The following ZC3H13 variants were observed in gnomAD, a reference collection of about 807,000 sequenced individuals.
The protein encoded by ZC3H13 is zinc finger CCCH-type containing 13.
A neutral mutation model predicts 204.1 loss-of-function variants in ZC3H13; 64 were observed. The observed-to-expected ratio is 0.31, with a 90% CI of 0.26 to 0.39. The LOEUF is 0.39. ZC3H13 is among the 10% of genes least tolerant of loss of function. The pLI is 1.00. For missense variants in ZC3H13, 1,833 were observed against 2,082.7 expected, an observed-to-expected ratio of 0.88 and a Z score of 2.33; for synonymous variants, 667 against 693.7, an observed-to-expected ratio of 0.96 and a Z score of 0.60.
At chr13:46,006,921 T>C (rs954187777) in intron 7 of ZC3H13, among the ~76,000 whole-genome samples, 2 of 151,600 alleles carry the variant, frequency 1.3e-5, no homozygotes, top group Non-Finnish European at 2.9e-5. Context: ...CCAACAACTA[T>C]ATTAGCCACA....
At chr13:46,016,574 G>C (rs1344605554) in intron 5 of ZC3H13, among the ~76,000 whole-genome samples, 1 of 152,122 alleles carries the variant, frequency 6.6e-6, no homozygotes, top group Non-Finnish European at 1.5e-5. Flanking sequence ...CCTTTGAGGG[G>C]TGAGGGTAGG....
chr13:45,972,578 A>C (rs778680342), intron 12 of ZC3H13, among the ~76,000 whole-genome samples: 3 of 152,174 alleles, frequency 2.0e-5, no homozygotes, highest in Non-Finnish European at 4.4e-5. Context: ...AAAGCTATTG[A>C]AATAAAAATA....
At chr13:46,049,994 T>C (rs369245113) in intron 1 of ZC3H13, among the ~76,000 whole-genome samples, 103 of 152,276 alleles carry the variant, frequency 6.8e-4, no homozygotes, top group Non-Finnish European at 1.3e-3. Context: ...CAAGTCTTTC[T>C]CAAACACGAG....
At chr13:46,033,965 G>C (rs960175195) in intron 4 of ZC3H13, among the ~76,000 whole-genome samples, 6 of 152,040 alleles carry the variant, frequency 3.9e-5, no homozygotes, top group Admixed American at 1.3e-4. Context: ...TTGGTAATAG[G>C]ACAAAGAGCC....
At chr13:46,013,158 G>C (rs1362161394) in intron 5 of ZC3H13, among the ~76,000 whole-genome samples, 1 of 152,216 alleles carries the variant, frequency 6.6e-6, no homozygotes, top group Non-Finnish European at 1.5e-5. Context: ...GCTCACGCCT[G>C]TAAGCTCAGC....
At chr13:45,976,800 A>G (rs1293810229) in intron 11 of ZC3H13, among the ~76,000 whole-genome samples, 2 of 152,198 alleles carry the variant, frequency 1.3e-5, no homozygotes, top group Non-Finnish European at 2.9e-5. Flanking sequence ...TACATACTAT[A>G]TATCTACTGG....
In ZC3H13 at chr13:46,014,938, T is replaced by G. The variant is rs1347537872; in HGVS notation, c.449-3384A>C. ...AATATGATCATACTTTATCGTAGCT[T>G]ACTTAAAAGAGTTTCCTTCTTAAAG... On this transcript the variant is annotated intron_variant, in intron 5 of 18. Coordinates refer to ENST00000679008, the MANE Select transcript of ZC3H13 (RefSeq NM_001330564.2). Among the ~76,000 whole-genome samples the G allele has an allele frequency of 2.6e-5, 4 of 152,330 alleles. No homozygotes were observed. In the East Asian group the frequency reaches 7.7e-4, roughly 29 times the overall value.
At position 45,975,612 on chromosome 13, in the gene ZC3H13, C is replaced by T. The variant is rs1210013974; in HGVS notation, c.2139G>A (p.Arg713=). 6.4e-7 allele frequency: 1 copy of T among 1,572,048 alleles called. No homozygotes were observed. Among genetic ancestry groups the T allele is most frequent in the Non-Finnish European group, 8.6e-7 (1 of 1,158,394 alleles). ...CTTTTTCTCTTTCTCTCTCCCGTTC[C>T]CTAGCACGCTCTCTTTCTAGTTCTC... ...KERELERERA[R]EREREREKER... The change falls in exon 12 of 19, where the codon AGG becomes AGA. Residue 713 remains arginine, a synonymous_variant. Transcript: ENST00000679008.
At chr13:45,984,000 C>G (rs989583626) in intron 10 of ZC3H13, among the ~76,000 whole-genome samples, 3 of 152,152 alleles carry the variant, frequency 2.0e-5, no homozygotes, top group Non-Finnish European at 1.5e-5. Flanking sequence ...TTCACTAAAG[C>G]ACTGTTTGAA....
At chr13:45,992,852 T>C (rs1464237392) in intron 8 of ZC3H13, among the ~76,000 whole-genome samples, 2 of 152,164 alleles carry the variant, frequency 1.3e-5, no homozygotes, top group East Asian at 3.9e-4. Context: ...AACGTTGATC[T>C]ACCCTTGCTT....
chr13:46,038,415 A>G (rs951962931), intron 4 of ZC3H13, among the ~76,000 whole-genome samples: 1 of 152,202 alleles, frequency 6.6e-6, no homozygotes, highest in African/African-American at 2.4e-5. Context: ...CTGACACACT[A>G]TCACATGCTA....
At chr13:46,003,048 C>T (rs1026931781) in intron 8 of ZC3H13, 91 bp downstream of exon 8, 124 of 1,316,994 alleles carry the variant, frequency 9.4e-5, no homozygotes, top group Middle Eastern at 2.7e-4. Flanking sequence ...AACTAAAAAA[C>T]CCAATATGCT....
intron 12 of ZC3H13, among the ~76,000 whole-genome samples, chr13:45,974,155 C>CA (rs931650817): frequency 1.3e-5 from 2 of 151,976 alleles, no homozygotes; most frequent in Non-Finnish European, 2.9e-5. Flanking sequence ...CAGTTGGAGG[C>CA]AAAAAAGTAG....
At chr13:45,973,211 G>A (rs1455032580) in intron 12 of ZC3H13, among the ~76,000 whole-genome samples, 4 of 152,112 alleles carry the variant, frequency 2.6e-5, no homozygotes, top group Admixed American at 1.3e-4. Flanking sequence ...TTATTTCAAG[G>A]AAATACCTAA....
chr13:46,015,080 T>C (rs1281612312), intron 5 of ZC3H13, among the ~76,000 whole-genome samples: 1 of 152,174 alleles, frequency 6.6e-6, no homozygotes, highest in East Asian at 1.9e-4. Context: ...CAGACTACAT[T>C]GCTAGACTGA....
intron 1 of ZC3H13, among the ~76,000 whole-genome samples, chr13:46,051,492 G>C (rs2044415865): frequency 1.3e-5 from 2 of 151,992 alleles, no homozygotes; most frequent in Admixed American, 6.5e-5. Flanking sequence ...TTCACAAAAC[G>C]CTCCAATATA....
chr13:45,989,192 T>C (rs1379395692), intron 8 of ZC3H13, 95 bp from the exon 9 acceptor site: 1 of 1,174,024 alleles, frequency 8.5e-7, no homozygotes, highest in East Asian at 2.5e-5. Flanking sequence ...AATATGAAAG[T>C]ATAGACAATA....
chr13:46,033,076 G>A (rs948929715), intron 4 of ZC3H13, among the ~76,000 whole-genome samples: 18 of 151,980 alleles, frequency 1.2e-4, no homozygotes, highest in African/African-American at 4.1e-4. Context: ...AGCAATCATG[G>A]GACAGAAGTT....
intron 4 of ZC3H13, among the ~76,000 whole-genome samples, chr13:46,029,655 C>T (rs1221897422): frequency 1.3e-5 from 2 of 151,782 alleles, no homozygotes; most frequent in African/African-American, 4.8e-5. Context: ...GTCTCGATCT[C>T]CTGACCTCGT....
Sources: gnomAD v4.1 joint callset for allele counts (sites outside exome capture counted in the v4.1 genomes callset) on GRCh38, gnomAD v4.1.1 for gene constraint, MANE v1.5 for transcripts, NCBI Gene and HGNC (gene_info 2026-07-23, HGNC 2026-07-21) for gene names.